Variants in DOCK2 observed in about 807,000 individuals in gnomAD.
DOCK2 encodes the protein dedicator of cytokinesis protein 2.
DOCK2 carries 87 observed loss-of-function variants against 248.9 expected under a neutral mutation model. The ratio of observed to expected loss-of-function variants is 0.35; its 90% CI spans 0.29 to 0.42. The LOEUF (loss-of-function observed/expected upper bound fraction) is 0.42, where lower values mean the gene tolerates loss of function less well. Among genes scored for constraint, DOCK2 ranks in the 10% least tolerant of loss-of-function variants. The pLI is 1.00. For synonymous variants in DOCK2, 805 were observed against 821.6 expected (o/e 0.98, Z 0.35); for missense variants, 1,747 against 2,300.2 (o/e 0.76, Z 4.92).
intron 26 of DOCK2, among the ~76,000 whole-genome samples, chr5:169,822,686 C>A (rs934891796): frequency 6.6e-6 from 1 of 152,060 alleles, no homozygotes; most frequent in South Asian, 2.1e-4. Flanking sequence ...AAAATTGACA[C>A]CCTAACATCA....
At chr5:169,675,107 C>T (rs1283885359) in intron 6 of DOCK2, among the ~76,000 whole-genome samples, 1 of 152,208 alleles carries the variant, frequency 6.6e-6, no homozygotes, top group African/African-American at 2.4e-5. Context: ...TGATTATCCC[C>T]ACTTTTTTCC....
chr5:169,741,945 G>A (rs1168678824), intron 22 of DOCK2, among the ~76,000 whole-genome samples: 1 of 151,448 alleles, frequency 6.6e-6, no homozygotes, highest in African/African-American at 2.4e-5. Context: ...AAGTAGCTGA[G>A]ACTACAGGCG....
At chr5:169,670,244 C>T (rs1006284449) in intron 3 of DOCK2, among the ~76,000 whole-genome samples, 11 of 152,140 alleles carry the variant, frequency 7.2e-5, no homozygotes, top group Non-Finnish European at 1.3e-4. Context: ...AGCCCACCTG[C>T]AGGATGAGTG....
intron 1 of DOCK2, among the ~76,000 whole-genome samples, chr5:169,653,127 G>A (rs1757896709): frequency 1.9e-4 from 29 of 152,174 alleles, no homozygotes. Flanking sequence ...CTTGCAAGGA[G>A]TGTTGTGAGA....
rs1206780911 is a variant in DOCK2, at chr5:169,911,010, C to T, written c.2799+70158C>T. On this transcript the variant is annotated intron_variant, in intron 27 of 51. Transcript: ENST00000520908. ...GTGAAACCCTCAGGTGCCTCCAAGG[C>T]CCCAGGAAAAGCATTTCTACCTTTG... is the stretch of plus-strand genomic sequence containing the variant. Among the ~76,000 whole-genome samples the T allele has an allele frequency of 3.9e-5, 6 of 152,274 alleles. No individual in the cohort carries two copies. In the East Asian group the frequency reaches 1.2e-3, roughly 29 times the overall value.
chr5:169,658,145 A>C (rs528747728), intron 2 of DOCK2, among the ~76,000 whole-genome samples: 1 of 152,286 alleles, frequency 6.6e-6, no homozygotes, highest in African/African-American at 2.4e-5. Flanking sequence ...CATTGAATCA[A>C]AGTTCAAATG....
intron 25 of DOCK2, among the ~76,000 whole-genome samples, chr5:169,781,799 AG>A (rs1377068536): frequency 6.6e-6 from 1 of 152,038 alleles, no homozygotes; most frequent in Non-Finnish European, 1.5e-5. Flanking sequence ...CCCCACAGAG[AG>A]GGGCAGCAGT....
At chr5:169,850,813 A>G (rs1309417730) in intron 27 of DOCK2, among the ~76,000 whole-genome samples, 1 of 152,220 alleles carries the variant, frequency 6.6e-6, no homozygotes, top group African/African-American at 2.4e-5. Context: ...ATCAAGGTAG[A>G]CTTCACGGAA....
At chr5:169,816,193 A>C (rs1768060841) in intron 26 of DOCK2, among the ~76,000 whole-genome samples, 1 of 152,118 alleles carries the variant, frequency 6.6e-6, no homozygotes, top group Admixed American at 6.5e-5. Flanking sequence ...GAGTTAAGTG[A>C]GGGAGGAGGC....
intron 38 of DOCK2, among the ~76,000 whole-genome samples, chr5:170,043,880 CA>C (rs1321697309): frequency 1.3e-5 from 2 of 152,238 alleles, no homozygotes; most frequent in African/African-American, 4.8e-5. Flanking sequence ...TCCCCAACCT[CA>C]AAAAACTTAC....
intron 27 of DOCK2, among the ~76,000 whole-genome samples, chr5:169,887,632 G>T (rs1196514595): frequency 6.6e-6 from 1 of 151,992 alleles, no homozygotes; most frequent in Non-Finnish European, 1.5e-5. Context: ...GTATTTTTGT[G>T]GATATTTAGG....
intron 27 of DOCK2, among the ~76,000 whole-genome samples, chr5:169,893,296 G>T (rs2113547877): frequency 6.6e-6 from 1 of 152,222 alleles, no homozygotes; most frequent in East Asian, 1.9e-4. Context: ...CTTTCTCCAG[G>T]GGAAAGCCTT....
At chr5:169,872,491 G>A (rs944197201) in intron 27 of DOCK2, among the ~76,000 whole-genome samples, 1 of 152,144 alleles carries the variant, frequency 6.6e-6, no homozygotes, top group Admixed American at 6.5e-5. Flanking sequence ...TTTCAAATTG[G>A]CAAGTCTACC....
chr5:169,707,519 T>G (rs1324766416), intron 14 of DOCK2, among the ~76,000 whole-genome samples: 1 of 152,202 alleles, frequency 6.6e-6, no homozygotes, highest in Non-Finnish European at 1.5e-5. Context: ...CCCTAATGTT[T>G]CCTGCACAAA....
At chr5:169,812,587 C>G (rs1398422847) in intron 26 of DOCK2, among the ~76,000 whole-genome samples, 1 of 152,202 alleles carries the variant, frequency 6.6e-6, no homozygotes, top group African/African-American at 2.4e-5. Context: ...GATGGCTGCT[C>G]TAACCTGTCT....
chr5:169,804,345 C>T (rs925346382), intron 26 of DOCK2, among the ~76,000 whole-genome samples: 1 of 151,826 alleles, frequency 6.6e-6, no homozygotes, highest in Non-Finnish European at 1.5e-5. Flanking sequence ...TATGACATAC[C>T]CGGTGTGCGC....
At chr5:169,694,634 G>A (rs1430689980) in intron 9 of DOCK2, among the ~76,000 whole-genome samples, 1 of 152,202 alleles carries the variant, frequency 6.6e-6, no homozygotes, top group Admixed American at 6.5e-5. Flanking sequence ...TGGTGATGCA[G>A]GAATCACTTA....
chr5:170,050,722 C>A (rs1224959043), intron 41 of DOCK2, among the ~76,000 whole-genome samples: 1 of 148,992 alleles, frequency 6.7e-6, no homozygotes, highest in East Asian at 1.9e-4. Flanking sequence ...TTGCTCCCTG[C>A]AGTAAGTTCC....
intron 40 of DOCK2, among the ~76,000 whole-genome samples, chr5:170,049,264 G>A (rs952679660): frequency 1.3e-5 from 2 of 152,154 alleles, no homozygotes; most frequent in Admixed American, 1.3e-4. Flanking sequence ...ACAGGCATGT[G>A]CCACCACGCC....
Sources: allele counts gnomAD v4.1 joint callset (sites outside exome capture counted in the v4.1 genomes callset), GRCh38; gene constraint gnomAD v4.1.1; transcripts MANE v1.5; gene names NCBI Gene and HGNC (gene_info 2026-07-23, HGNC 2026-07-21).